The following GALNT5 variants were observed in gnomAD, a reference collection of about 807,000 sequenced individuals.
The protein encoded by GALNT5 is polypeptide N-acetylgalactosaminyltransferase 5.
GALNT5 carries 72 observed loss-of-function variants against 85.4 expected under a neutral mutation model. The observed-to-expected ratio is 0.84, with a 90% CI of 0.70 to 1.03. GALNT5 has a LOEUF of 1.03. Among genes scored for constraint, GALNT5 ranks in the 50% least tolerant of loss-of-function variants. The pLI, the probability that GALNT5 is intolerant of heterozygous loss-of-function variation, is 0.00. For synonymous variants in GALNT5, 404 were observed against 397.0 expected, an observed-to-expected ratio of 1.02 and a Z score of -0.21; for missense variants, 1,137 against 1,135.5, an observed-to-expected ratio of 1.00 and a Z score of -0.02.
chr2:157,285,173 C>T (rs901565026), intron 2 of GALNT5, among the ~76,000 whole-genome samples: 6 of 152,194 alleles, frequency 3.9e-5, no homozygotes, highest in African/African-American at 9.7e-5. Context: ...ACCACAGCAA[C>T]ATGGGAAGTT....
chr2:157,301,470 A>C (rs948935617), intron 7 of GALNT5: 1 of 188,208 alleles, frequency 5.3e-6, no homozygotes, highest in Admixed American at 5.3e-5. Flanking sequence ...ACTAAGTGTC[A>C]GTCAGCCAAG....
intron 8 of GALNT5, among the ~76,000 whole-genome samples, chr2:157,308,010 G>A (rs150280305): frequency 5.9e-4 from 90 of 152,270 alleles, no homozygotes; most frequent in African/African-American, 1.7e-3. Context: ...GATTCCTCAT[G>A]CTAGTAGCAA....
intron 2 of GALNT5, among the ~76,000 whole-genome samples, 173 bp downstream of exon 2, chr2:157,284,621 A>C (rs949195889): frequency 6.6e-6 from 1 of 152,252 alleles, no homozygotes; most frequent in Non-Finnish European, 1.5e-5. Context: ...TATGGACGTT[A>C]AAAGTCATCT....
Position 157,313,389 on chromosome 2 carries a change from G to A in GALNT5, c.*2041G>A, listed in dbSNP as rs1683618948. On this transcript the variant is annotated 3_prime_UTR_variant, in exon 10 of 10. Transcript: ENST00000259056. ...AAGTACACTCTGATATTCACACAAT[G>A]ATGAAATTGCCTAATGACACATTTC... 6.6e-6 allele frequency: 1 copy of A among 152,144 alleles called. No individual in the cohort carries two copies. The highest frequency in any genetic ancestry group is 1.5e-5 in the Non-Finnish European group (1 of 68,032). 9.4% of individuals were successfully genotyped at this position (152,144 alleles called of 1,614,324 possible).
chr2:157,308,019 AAAG>A (rs1321080058), intron 8 of GALNT5, among the ~76,000 whole-genome samples: 1 of 152,206 alleles, frequency 6.6e-6, no homozygotes, highest in African/African-American at 2.4e-5. Context: ...TGCTAGTAGC[AAAG>A]AAGGACTTCC....
At chr2:157,281,370 G>A (rs928545348) in intron 1 of GALNT5, among the ~76,000 whole-genome samples, 6 of 152,180 alleles carry the variant, frequency 3.9e-5, no homozygotes, top group African/African-American at 1.4e-4. Flanking sequence ...TTTCTTTGTA[G>A]CAACACAAAA....
At chr2:157,283,745 T>C (rs962494062) in intron 1 of GALNT5, among the ~76,000 whole-genome samples, 31 of 152,146 alleles carry the variant, frequency 2.0e-4, no homozygotes, top group African/African-American at 7.2e-4. Context: ...CTAGTAATGA[T>C]AGCAATAACT....
chr2:157,291,876 A>G (rs184321174), intron 3 of GALNT5, among the ~76,000 whole-genome samples: 1 of 152,198 alleles, frequency 6.6e-6, no homozygotes, highest in East Asian at 1.9e-4. Flanking sequence ...TCAAGTAGCT[A>G]TCAGAGAGGA....
rs775832771 is a variant in GALNT5, at chr2:157,317,648, G to A, written c.*6300G>A. On this transcript the variant is annotated 3_prime_UTR_variant, in exon 10 of 10. Transcript: ENST00000259056. ...AGTACTTTTTCTTTTGCATCTGATC[G>A]ACTGAAGTTATTATAAAGAAGGAAT... Among the ~76,000 whole-genome samples the A allele has an allele frequency of 2.6e-4, 39 of 152,092 alleles. No homozygotes were observed. The highest frequency in any genetic ancestry group is 5.1e-4 in the Non-Finnish European group (35 of 67,998).
At chr2:157,297,564 C>G (rs1031097706) in intron 5 of GALNT5, among the ~76,000 whole-genome samples, 2 of 152,208 alleles carry the variant, frequency 1.3e-5, no homozygotes, top group African/African-American at 4.8e-5. Context: ...TCTTTCCATA[C>G]TCTCATGTTG....
intron 8 of GALNT5, 127 bp from the exon 9 acceptor site, chr2:157,308,440 C>A: frequency 7.5e-6 from 5 of 667,186 alleles, no homozygotes; most frequent in African/African-American, 1.8e-5. Context: ...ATGATAATAC[C>A]AGGACTTGAA....
intron 1 of GALNT5, among the ~76,000 whole-genome samples, chr2:157,263,517 T>C (rs1682395517): frequency 6.6e-6 from 1 of 152,228 alleles, no homozygotes; most frequent in Non-Finnish European, 1.5e-5. Flanking sequence ...AAACACTGTT[T>C]ATTCTGTGTT....
rs1165951407 is a variant in GALNT5, at chr2:157,259,010, G to GC, written c.929dup (p.His311SerfsTer9). 6.8e-7 allele frequency: 1 copy of GC among 1,480,108 alleles called. No individual in the cohort carries two copies. Among genetic ancestry groups the GC allele is most frequent in the African/African-American group, 1.4e-5 (1 of 71,326 alleles). 91.7% of individuals were successfully genotyped at this position (1,480,108 alleles called of 1,614,324 possible). On this transcript the variant is annotated frameshift_variant, in exon 1 of 10. Transcript: ENST00000259056. LOFTEE classifies it high-confidence loss of function. ...GTCAAAGGATGATGGAGCTAGAGGGGCTCATGGGAAGAAACTCAATTTCTC... is the reference window on the plus strand; with the variant it reads ...GTCAAAGGATGATGGAGCTAGAGGGGCCTCATGGGAAGAAACTCAATTTCTC...
chr2:157,278,857 G>A (rs545700380), intron 1 of GALNT5, among the ~76,000 whole-genome samples: 6 of 152,168 alleles, frequency 3.9e-5, no homozygotes, highest in East Asian at 1.9e-4. Flanking sequence ...TTGTTCCATC[G>A]CTGGCTAGGA....
At position 157,275,163 on chromosome 2, in the gene GALNT5, C is replaced by A. The variant is rs550416184; in HGVS notation, c.1455-9119C>A. Among the ~76,000 whole-genome samples, 243 of 152,198 alleles carry A rather than the reference C, an allele frequency of 1.6e-3. 1 individual carries two copies. The highest frequency in any genetic ancestry group is 5.4e-3 in the African/African-American group (225 of 41,528). On this transcript the variant is annotated intron_variant, in intron 1 of 9. Transcript: ENST00000259056. Reference sequence around the variant, plus strand: ...TAGATGTGTGGTGTTATTTCTGAGGCCTCTGTTCTGTTCCATTCGTCCATA... The same window carrying A: ...TAGATGTGTGGTGTTATTTCTGAGGACTCTGTTCTGTTCCATTCGTCCATA...
chr2:157,294,402 C>A (rs1295266105), intron 3 of GALNT5, among the ~76,000 whole-genome samples: 1 of 152,086 alleles, frequency 6.6e-6, no homozygotes, highest in Non-Finnish European at 1.5e-5. Flanking sequence ...AGTAAGAAAG[C>A]GAAAGGCTAG....
At chr2:157,300,267 A>G (rs897094746) in intron 6 of GALNT5, among the ~76,000 whole-genome samples, 1 of 152,154 alleles carries the variant, frequency 6.6e-6, no homozygotes, top group African/African-American at 2.4e-5. Flanking sequence ...GGAGCTGCTG[A>G]TCATGAAGGA....
chr2:157,291,017 G>A (rs1319687288), intron 3 of GALNT5, among the ~76,000 whole-genome samples: 4 of 152,188 alleles, frequency 2.6e-5, no homozygotes, highest in Admixed American at 2.6e-4. Flanking sequence ...AGAGGCCCAA[G>A]TAGGATTTTA....
In GALNT5 at chr2:157,287,353, A is replaced by G. The variant is rs570120977; in HGVS notation, c.1741+1219A>G. Among the ~76,000 whole-genome samples the G allele has an allele frequency of 7.9e-5, 12 of 152,198 alleles. 1 individual carries two copies. The highest frequency in any genetic ancestry group is 2.4e-4 in the African/African-American group (10 of 41,538). On this transcript the variant is annotated intron_variant, in intron 3 of 9. Coordinates refer to ENST00000259056, the MANE Select transcript of GALNT5 (RefSeq NM_014568.3). The stretch of plus-strand genomic sequence containing the variant: ...ATTCTTTTTTATTTAGCTGGCATTC[A>G]TGTGTAAGGAGAAAATCTCTATCTC...
Sources: allele counts gnomAD v4.1 joint callset (sites outside exome capture counted in the v4.1 genomes callset), GRCh38; gene constraint gnomAD v4.1.1; transcripts MANE v1.5; gene names NCBI Gene and HGNC (gene_info 2026-07-23, HGNC 2026-07-21).